Variants in ACSBG2 observed in about 807,000 individuals in gnomAD.
ACSBG2 encodes the protein acyl-CoA synthetase bubblegum family member 2.
ACSBG2 carries 62 observed loss-of-function variants against 74.7 expected under a neutral mutation model. The observed-to-expected ratio is 0.83, with a 90% CI of 0.68 to 1.03. The LOEUF is 1.03. Ranked by LOEUF, ACSBG2 falls within the 50% of genes least tolerant of loss-of-function variation. ACSBG2 has a pLI of 0.00. For missense variants in ACSBG2, 730 were observed against 817.6 expected (o/e 0.89, Z 1.31); for synonymous variants, 309 against 294.1 (o/e 1.05, Z -0.52).
At chr19:6,187,051 T>TCGCTGAGGC (rs2145271182) in intron 11 of ACSBG2, among the ~76,000 whole-genome samples, 1 of 147,330 alleles carries the variant, frequency 6.8e-6, no homozygotes, top group East Asian at 2.0e-4. Context: ...GTTGCCCAGG[T>TCGCTGAGGC]TGGAGTGCGG....
At chr19:6,184,862 A>C (rs866182550) in intron 10 of ACSBG2, among the ~76,000 whole-genome samples, 1,725 of 137,428 alleles carry the variant, frequency 0.013, 48 homozygotes, top group African/African-American at 0.048. Context: ...AAAAAAAAAA[A>C]AAAAAAAAAA....
In ACSBG2 at chr19:6,174,059, C is replaced by T. The variant is rs961321173; in HGVS notation, c.739-3170C>T. 5.3e-5 allele frequency among the ~76,000 whole-genome samples: 8 copies of T among 152,052 alleles called. No individual in the cohort carries two copies. Among genetic ancestry groups the T allele is most frequent in the Non-Finnish European group, 1.2e-4 (8 of 68,006 alleles). On this transcript the variant is annotated intron_variant, in intron 7 of 14. Transcript: ENST00000588485. The surrounding 1 kb of genome is among the most constrained non-coding windows in gnomAD (Gnocchi z 4.2). ...TCAAGCGATTCCCCCACCTCAGCCT[C>T]CTGAGTAGCAGGGATTACAGACGTG...
In ACSBG2 at chr19:6,183,281, C is replaced by A. The variant is rs1208480663; in HGVS notation, c.1322+9C>A. 1 of 1,612,182 alleles carries A rather than the reference C, an allele frequency of 6.2e-7. No homozygotes were observed. Among genetic ancestry groups the A allele is most frequent in the South Asian group, 1.1e-5 (1 of 91,056 alleles). On this transcript the variant is annotated intron_variant, in intron 10 of 14. Coordinates refer to ENST00000588485, the MANE Select transcript of ACSBG2 (RefSeq NM_030924.5). ...AACTACAGGCTTCTAAGGTACCAGC[C>A]CCCGGGGCAGACCCCTGCTCCTCCC...
intron 7 of ACSBG2, among the ~76,000 whole-genome samples, chr19:6,172,528 C>A (rs932470848): frequency 2.0e-5 from 3 of 152,096 alleles, no homozygotes; most frequent in African/African-American, 7.2e-5. Context: ...TGGTTGTGGA[C>A]AGCTTCTGTG....
At chr19:6,176,927 C>G (rs578110579) in intron 7 of ACSBG2, among the ~76,000 whole-genome samples, 1 of 151,874 alleles carries the variant, frequency 6.6e-6, no homozygotes, top group Non-Finnish European at 1.5e-5. Flanking sequence ...GAGGCTGAGG[C>G]GGGAGGTCGC....
chr19:6,172,067 C>G (rs2089980362), intron 7 of ACSBG2, among the ~76,000 whole-genome samples: 1 of 151,982 alleles, frequency 6.6e-6, no homozygotes, highest in Non-Finnish European at 1.5e-5. Flanking sequence ...CTTAATATAT[C>G]TATGTTGTAT....
rs145346299 is a variant in ACSBG2, at chr19:6,142,580, G to A, written c.67+970G>A. Among the ~76,000 whole-genome samples the A allele has an allele frequency of 2.7e-3, 403 of 152,020 alleles. 4 individuals are homozygous for A. Among genetic ancestry groups the A allele is most frequent in the African/African-American group, 9.1e-3 (377 of 41,468 alleles). On this transcript the variant is annotated intron_variant, in intron 2 of 14. Transcript: ENST00000588485. ...ATCCTGACTAAGATGGTGAAACCCC[G>A]TCTCTACTAAAAAATACAAAAAATT... is the stretch of plus-strand genomic sequence containing the variant.
At position 6,156,494 on chromosome 19, in the gene ACSBG2, T is replaced by C. The variant is rs747723604; in HGVS notation, c.450T>C (p.His150=). The change falls in exon 5 of 15, where the codon CAT becomes CAC. Residue 150 remains histidine, a synonymous_variant. Transcript: ENST00000588485. ...SAEVCQYVIT[H]AKVNILLVEN... The stretch of plus-strand genomic sequence containing the variant: ...AGGTTTGTCAATATGTCATCACTCA[T>C]GCCAAAGTGAACATCTTGCTGGTTG... 18 of 1,597,826 alleles carry C rather than the reference T, an allele frequency of 1.1e-5. No homozygotes were observed. Among genetic ancestry groups the C allele is most frequent in the Middle Eastern group, 1.7e-4 (1 of 6,058 alleles).
chr19:6,162,587 A>AAAC (rs1184806696), intron 6 of ACSBG2, among the ~76,000 whole-genome samples: 6 of 149,618 alleles, frequency 4.0e-5, no homozygotes, highest in Non-Finnish European at 8.9e-5. Flanking sequence ...AAAAAAAAAA[A>AAAC]ATTACAAACT....
chr19:6,167,429 T>G (rs562238495), intron 7 of ACSBG2, among the ~76,000 whole-genome samples: 2 of 152,338 alleles, frequency 1.3e-5, no homozygotes, highest in South Asian at 4.1e-4. Context: ...CTTAATACAC[T>G]GTCTCAGCTA....
At chr19:6,166,278 G>GCTT (rs1237594210) in intron 7 of ACSBG2, among the ~76,000 whole-genome samples, 2,843 of 143,734 alleles carry the variant, frequency 0.02, 98 homozygotes, top group African/African-American at 0.065. Flanking sequence ...GAGTCAGGAA[G>GCTT]GTTGTGTGTG....
intron 5 of ACSBG2, among the ~76,000 whole-genome samples, chr19:6,158,086 C>T (rs62107255): frequency 0.57 from 84,485 of 148,232 alleles, 25,865 homozygotes; most frequent in Admixed American, 0.68. Flanking sequence ...GACAGAGTCT[C>T]GCTCTGTCGC....
intron 3 of ACSBG2, among the ~76,000 whole-genome samples, chr19:6,150,340 C>CAA (rs780596761): frequency 6.0e-4 from 41 of 68,388 alleles, no homozygotes; most frequent in South Asian, 2.5e-3. Flanking sequence ...GGATATTTAA[C>CAA]AAAAAAAAAA....
chr19:6,189,351 CCA>C (rs2090494399), intron 13 of ACSBG2, among the ~76,000 whole-genome samples: 1 of 152,166 alleles, frequency 6.6e-6, no homozygotes, highest in Admixed American at 6.5e-5. Context: ...AGGGCTCACT[CCA>C]GAGTGGGGAT....
chr19:6,141,440 G>A, intron 1 of ACSBG2, 73 bp from the exon 2 acceptor site: 1 of 754,484 alleles, frequency 1.3e-6, no homozygotes. Flanking sequence ...ATGACCAGTG[G>A]ATGGAAGAGT....
At chr19:6,177,437 T>C in intron 8 of ACSBG2, 41 bp downstream of exon 8, 1 of 1,537,066 alleles carries the variant, frequency 6.5e-7, no homozygotes, top group Non-Finnish European at 8.7e-7. Flanking sequence ...CTTCATCCTC[T>C]TGGGCAGCCC....
intron 3 of ACSBG2, among the ~76,000 whole-genome samples, chr19:6,150,252 G>A (rs1299987431): frequency 6.6e-6 from 1 of 150,884 alleles, no homozygotes; most frequent in Non-Finnish European, 1.5e-5. Context: ...TGCCGCCACT[G>A]TGGAAAAGTC....
At chr19:6,181,084 C>T (rs1409559650) in intron 8 of ACSBG2, among the ~76,000 whole-genome samples, 7 of 149,036 alleles carry the variant, frequency 4.7e-5, no homozygotes, top group Non-Finnish European at 8.9e-5. Flanking sequence ...ATTAGCCAGG[C>T]GTGGTGGTGT....
chr19:6,185,677 G>A, intron 11 of ACSBG2, 24 bp downstream of exon 11: 3 of 1,612,738 alleles, frequency 1.9e-6, no homozygotes, highest in Non-Finnish European at 2.5e-6. Flanking sequence ...AGCTCTTTGG[G>A]AATCTCCTGC....
Sources: allele counts gnomAD v4.1 joint callset (sites outside exome capture counted in the v4.1 genomes callset), GRCh38; gene constraint gnomAD v4.1.1; non-coding constraint Gnocchi (gnomAD v3.1); transcripts MANE v1.5; gene names NCBI Gene and HGNC (gene_info 2026-07-23, HGNC 2026-07-21).